Variants in DLG2 observed in about 807,000 individuals in gnomAD.
The protein encoded by DLG2 is disks large homolog 2.
DLG2 carries 45 observed loss-of-function variants against 132.5 expected under a neutral mutation model. The ratio of observed to expected loss-of-function variants is 0.34; its 90% CI spans 0.27 to 0.44. The LOEUF is 0.44. DLG2 is among the 20% of genes least tolerant of loss of function. The pLI, the probability that DLG2 is intolerant of heterozygous loss-of-function variation, is 1.00. For missense variants in DLG2, 1,045 were observed against 1,196.9 expected (o/e 0.87, Z 1.87); for synonymous variants, 424 against 419.6 (o/e 1.01, Z -0.13).
At chr11:83,941,693 C>A (rs1422031602) in intron 14 of DLG2, among the ~76,000 whole-genome samples, 1 of 152,170 alleles carries the variant, frequency 6.6e-6, no homozygotes, top group Non-Finnish European at 1.5e-5. Flanking sequence ...CACACCCGGT[C>A]TGCTACATGC....
intron 16 of DLG2, among the ~76,000 whole-genome samples, chr11:83,865,790 C>A (rs1242606987): frequency 6.6e-6 from 1 of 152,088 alleles, no homozygotes; most frequent in African/African-American, 2.4e-5. Flanking sequence ...GTGGAAGACC[C>A]CATCAGGCAG....
intron 6 of DLG2, chr11:84,639,865 C>A (rs1272299361): frequency 2.3e-5 from 4 of 171,914 alleles, no homozygotes; most frequent in Non-Finnish European, 4.8e-5. Context: ...TAGGCTTCCT[C>A]ATCCCTCCAG....
intron 18 of DLG2, among the ~76,000 whole-genome samples, chr11:83,778,221 T>C (rs2153852005): frequency 6.6e-6 from 1 of 152,280 alleles, no homozygotes; most frequent in South Asian, 2.1e-4. Context: ...CTTATCAAAT[T>C]GAAGGATTAT....
At chr11:84,265,852 T>G (rs1230684221) in intron 7 of DLG2, among the ~76,000 whole-genome samples, 1 of 152,132 alleles carries the variant, frequency 6.6e-6, no homozygotes, top group Non-Finnish European at 1.5e-5. Context: ...CTTCAAAAAC[T>G]ATGGCATATC....
At chr11:83,947,210 A>C (rs1288262065) in intron 14 of DLG2, among the ~76,000 whole-genome samples, 1 of 151,354 alleles carries the variant, frequency 6.6e-6, no homozygotes, top group African/African-American at 2.4e-5. Context: ...TGGGGAATGC[A>C]AATATTTGTG....
intron 4 of DLG2, among the ~76,000 whole-genome samples, chr11:85,177,292 C>CATAT (rs58302358): frequency 0.012 from 1,843 of 149,660 alleles, 31 homozygotes; most frequent in African/African-American, 0.042. Flanking sequence ...CATATACACA[C>CATAT]ACACACACAC....
At chr11:84,035,557 T>C (rs1303109472) in intron 11 of DLG2, among the ~76,000 whole-genome samples, 3 of 152,162 alleles carry the variant, frequency 2.0e-5, no homozygotes, top group Admixed American at 1.3e-4. Flanking sequence ...TGAAGGTGCA[T>C]GGGCAAGGGG....
chr11:84,462,587 A>G (rs1421713786), intron 7 of DLG2, among the ~76,000 whole-genome samples: 20 of 151,192 alleles, frequency 1.3e-4, no homozygotes, highest in Non-Finnish European at 3.0e-5. Context: ...GTCACAATTT[A>G]TCACATTTTC....
intron 10 of DLG2, among the ~76,000 whole-genome samples, chr11:84,094,694 A>G (rs2097142564): frequency 6.6e-6 from 1 of 152,166 alleles, no homozygotes; most frequent in Non-Finnish European, 1.5e-5. Flanking sequence ...CTTCTTTTAC[A>G]GAGACATGCA....
At chr11:84,129,547 T>C (rs1055192380) in intron 9 of DLG2, among the ~76,000 whole-genome samples, 2 of 152,098 alleles carry the variant, frequency 1.3e-5, no homozygotes, top group Non-Finnish European at 2.9e-5. Flanking sequence ...TGAGATGGCC[T>C]GTCATCTTGC....
chr11:85,184,295 C>T (rs2079933524), intron 4 of DLG2, among the ~76,000 whole-genome samples: 1 of 150,736 alleles, frequency 6.6e-6, no homozygotes, highest in Non-Finnish European at 1.5e-5. Context: ...AGCCTTATAT[C>T]CTCCAATATG....
intron 18 of DLG2, among the ~76,000 whole-genome samples, chr11:83,723,109 G>A (rs1320956512): frequency 2.0e-5 from 3 of 152,130 alleles, no homozygotes; most frequent in Admixed American, 6.5e-5. Context: ...GGCCAGGGGT[G>A]GTGTCTCAAA....
At chr11:85,512,403 G>A (rs1281999939) in intron 3 of DLG2, among the ~76,000 whole-genome samples, 3 of 152,072 alleles carry the variant, frequency 2.0e-5, no homozygotes, top group Non-Finnish European at 4.4e-5. Context: ...CAAGGGTTGA[G>A]ATATTTAAAA....
At chr11:84,849,111 A>G (rs2081872532) in intron 6 of DLG2, among the ~76,000 whole-genome samples, 1 of 152,184 alleles carries the variant, frequency 6.6e-6, no homozygotes, top group South Asian at 2.1e-4. Flanking sequence ...AGGTTATGAG[A>G]GGAACCTCAT....
At chr11:85,566,554 C>G (rs570665688) in intron 3 of DLG2, among the ~76,000 whole-genome samples, 3 of 152,170 alleles carry the variant, frequency 2.0e-5, no homozygotes, top group African/African-American at 7.2e-5. Flanking sequence ...GATGAGGGCT[C>G]TCTTCAGGGT....
chr11:84,764,445 T>C (rs950920141), intron 6 of DLG2, among the ~76,000 whole-genome samples: 1 of 152,244 alleles, frequency 6.6e-6, no homozygotes, highest in Admixed American at 6.5e-5. Context: ...ATAGTTAACA[T>C]TTACATAGTG....
chr11:85,295,442 G>A (rs1207048216), intron 3 of DLG2, among the ~76,000 whole-genome samples: 1 of 152,070 alleles, frequency 6.6e-6, no homozygotes, highest in Non-Finnish European at 1.5e-5. Flanking sequence ...CTTTGTAAAT[G>A]TCATTCATTT....
At chr11:83,920,067 C>T (rs912120435) in intron 15 of DLG2, among the ~76,000 whole-genome samples, 2 of 152,144 alleles carry the variant, frequency 1.3e-5, no homozygotes, top group South Asian at 2.1e-4. Context: ...TGACACAGTG[C>T]GTGCCAGAAG....
Position 84,107,013 on chromosome 11 carries a change from T to TGA in DLG2, c.625-7968_625-7967dup, listed in dbSNP as rs35604470. Among the ~76,000 whole-genome samples, 93 of 126,196 alleles carry TGA rather than the reference T, an allele frequency of 7.4e-4. 1 individual carries two copies. Among genetic ancestry groups the TGA allele is most frequent in the African/African-American group, 1.8e-3 (60 of 32,696 alleles). 82.8% of individuals were successfully genotyped at this position (126,196 alleles called of 152,430 possible). On this transcript the variant is annotated intron_variant, in intron 9 of 27. Coordinates refer to ENST00000376104, the MANE Select transcript of DLG2 (RefSeq NM_001142699.3). ...GTGTGTGTGTGTGTGTGTGTGTGTG[T>TGA]GAGAGAGTTTTAGCCTTAGGGGAGA...
Sources: gnomAD v4.1 joint callset for allele counts (sites outside exome capture counted in the v4.1 genomes callset) on GRCh38, gnomAD v4.1.1 for gene constraint, MANE v1.5 for transcripts, NCBI Gene and HGNC (gene_info 2026-07-23, HGNC 2026-07-21) for gene names.